The following SHTN1 variants were observed in gnomAD, a reference collection of about 807,000 sequenced individuals.
SHTN1 encodes the protein shootin 1.
Under a neutral mutation model 83.1 loss-of-function variants are expected in SHTN1, and 42 were observed. The ratio of observed to expected loss-of-function variants is 0.51; its 90% CI spans 0.39 to 0.65. The LOEUF (loss-of-function observed/expected upper bound fraction) is 0.65, where lower values mean the gene tolerates loss of function less well. SHTN1 is among the 30% of genes least tolerant of loss of function. The pLI is 0.00. For synonymous variants in SHTN1, 224 were observed against 247.7 expected (o/e 0.90, Z 0.90); for missense variants, 622 against 737.8 (o/e 0.84, Z 1.82).
intron 9 of SHTN1, among the ~76,000 whole-genome samples, chr10:116,931,492 A>G (rs1848964516): frequency 6.6e-6 from 1 of 152,146 alleles, no homozygotes; most frequent in Admixed American, 6.6e-5. Context: ...TAAGTGATCC[A>G]CCTGCTTTGG....
At chr10:117,031,658 CAGGGT>C (rs1203180071) in intron 2 of SHTN1, among the ~76,000 whole-genome samples, 1 of 152,040 alleles carries the variant, frequency 6.6e-6, no homozygotes, top group Non-Finnish European at 1.5e-5. Flanking sequence ...TTTATGCAAA[CAGGGT>C]TAAGTTGTTA....
At chr10:116,891,691 T>C (rs1167154528) in intron 16 of SHTN1, among the ~76,000 whole-genome samples, 1 of 152,194 alleles carries the variant, frequency 6.6e-6, no homozygotes, top group East Asian at 1.9e-4. Context: ...ATTGTTTCTT[T>C]TGGAAACCCT....
At chr10:116,914,987 G>A (rs1317675646) in intron 13 of SHTN1, among the ~76,000 whole-genome samples, 1 of 152,148 alleles carries the variant, frequency 6.6e-6, no homozygotes, top group East Asian at 1.9e-4. Flanking sequence ...GAGGGTTTTC[G>A]CCTATTTTGT....
chr10:116,955,622 C>T (rs767786184), intron 4 of SHTN1, among the ~76,000 whole-genome samples: 1 of 152,164 alleles, frequency 6.6e-6, no homozygotes, highest in Non-Finnish European at 1.5e-5. Context: ...CTCAGGGTTT[C>T]TCATAGAGAA....
At chr10:116,934,188 T>C (rs562676286) in intron 9 of SHTN1, among the ~76,000 whole-genome samples, 22 of 152,326 alleles carry the variant, frequency 1.4e-4, no homozygotes, top group South Asian at 8.3e-4. Context: ...TTTGTCAATT[T>C]TGGCTTTTGT....
At chr10:116,957,544 G>T (rs964751277) in intron 4 of SHTN1, among the ~76,000 whole-genome samples, 1 of 151,614 alleles carries the variant, frequency 6.6e-6, no homozygotes, top group Non-Finnish European at 1.5e-5. Flanking sequence ...GTGAGCCACC[G>T]TGCCCAGCCA....
At chr10:116,967,327 G>A (rs7900137) in intron 3 of SHTN1, among the ~76,000 whole-genome samples, 3,111 of 152,300 alleles carry the variant, frequency 0.02, 108 homozygotes, top group African/African-American at 0.071. Flanking sequence ...TACAGCTTTT[G>A]TGGGAATGTA....
chr10:116,995,806 G>A (rs1224339125), intron 1 of SHTN1, among the ~76,000 whole-genome samples: 2 of 152,064 alleles, frequency 1.3e-5, no homozygotes, highest in Non-Finnish European at 2.9e-5. Context: ...TACTGGCCTC[G>A]TACCTTGAAT....
At position 117,066,392 on chromosome 10, in the gene SHTN1, A is replaced by C. The variant is rs142682501; in HGVS notation, c.-188-17882T>G. On this transcript the variant is annotated intron_variant, in intron 1 of 17. Coordinates refer to the SHTN1 transcript ENST00000392901. ...TCCCTTGGAGAGAGAGAGAAAGACA[A>C]ATGAACAAAGAAACAGTAGTGTTAT... is the stretch of plus-strand genomic sequence containing the variant. Among the ~76,000 whole-genome samples, 6 of 152,372 alleles carry C rather than the reference A, an allele frequency of 3.9e-5. No individual in the cohort carries two copies. The South Asian group carries it at 8.3e-4, about 21-fold the overall frequency.
chr10:116,920,419 A>G (rs1848519022), intron 12 of SHTN1, among the ~76,000 whole-genome samples: 3 of 151,986 alleles, frequency 2.0e-5, no homozygotes, highest in Non-Finnish European at 4.4e-5. Flanking sequence ...GTATATCTCG[A>G]TCTCCAATGA....
intron 11 of SHTN1, among the ~76,000 whole-genome samples, chr10:116,926,197 G>A (rs1045112224): frequency 6.6e-6 from 1 of 152,076 alleles, no homozygotes; most frequent in Non-Finnish European, 1.5e-5. Flanking sequence ...TTCTACTTAG[G>A]TTATACTTTA....
Position 117,027,196 on chromosome 10 carries a change from G to GC in SHTN1, c.-123+21248_-123+21249insG, listed in dbSNP as rs756648646. ...CAGTTGGAATCCCCAACATTGGAGG[G>GC]GGGGCCTGGTTGGAGGTGACTGGCT... On this transcript the variant is annotated intron_variant, in intron 2 of 17. Transcript: ENST00000392901. Among the ~76,000 whole-genome samples the GC allele has an allele frequency of 2.5e-3, 387 of 151,872 alleles. 1 individual carries two copies. The highest frequency in any genetic ancestry group is 3.7e-3 in the Non-Finnish European group (253 of 67,956).
chr10:117,061,453 C>T (rs1852902640), intron 1 of SHTN1, among the ~76,000 whole-genome samples: 3 of 151,854 alleles, frequency 2.0e-5, no homozygotes, highest in Admixed American at 1.3e-4. Context: ...CCGCCTTGGC[C>T]TCCCATCACA....
At chr10:117,046,935 T>C (rs184064378) in intron 2 of SHTN1, among the ~76,000 whole-genome samples, 29 of 152,188 alleles carry the variant, frequency 1.9e-4, no homozygotes, top group Middle Eastern at 6.8e-3. Flanking sequence ...GTGATAGTTG[T>C]ACAACTTTGT....
rs540169246 is a variant in SHTN1 at position 116,977,745 on chromosome 10, G to T, written c.111+1511C>A. On this transcript the variant is annotated intron_variant, in intron 2 of 16. Transcript: ENST00000355371. Reference sequence around the variant, plus strand: ...GCTGGAATGCAGTGGTGCAATCATGGCTCACTGCAGCTTCAACCTTTAGGG... The same window carrying T: ...GCTGGAATGCAGTGGTGCAATCATGTCTCACTGCAGCTTCAACCTTTAGGG... Among the ~76,000 whole-genome samples the T allele has an allele frequency of 7.2e-5, 11 of 151,762 alleles. No individual in the cohort carries two copies. In the South Asian group the frequency reaches 1.5e-3, roughly 20 times the overall value.
intron 12 of SHTN1, among the ~76,000 whole-genome samples, chr10:116,918,755 T>C (rs778970566): frequency 1.2e-4 from 19 of 152,166 alleles, no homozygotes; most frequent in Non-Finnish European, 2.4e-4. Flanking sequence ...TCCTGTGAAA[T>C]AGGAAATACT....
intron 13 of SHTN1, among the ~76,000 whole-genome samples, chr10:116,914,289 C>T (rs1395449111): frequency 3.9e-5 from 6 of 151,952 alleles, no homozygotes; most frequent in Non-Finnish European, 5.9e-5. Context: ...CTGGCCAACA[C>T]GGTGAAACCC....
intron 3 of SHTN1, among the ~76,000 whole-genome samples, chr10:116,966,262 C>A (rs1054328872): frequency 6.6e-6 from 1 of 152,168 alleles, no homozygotes; most frequent in Non-Finnish European, 1.5e-5. Flanking sequence ...CCCGCCTCGG[C>A]CTCCCAAAGT....
At chr10:117,010,417 A>C (rs1852086784), upstream of SHTN1, among the ~76,000 whole-genome samples, 1 of 151,588 alleles carries the variant, frequency 6.6e-6, no homozygotes, top group Non-Finnish European at 1.5e-5. Flanking sequence ...AAGTATTAAA[A>C]AAAGAAAAGA....
Sources: allele counts gnomAD v4.1 joint callset (sites outside exome capture counted in the v4.1 genomes callset), GRCh38; gene constraint gnomAD v4.1.1; transcripts MANE v1.5; gene names NCBI Gene and HGNC (gene_info 2026-07-23, HGNC 2026-07-21).